The following RTL4 variants were observed in gnomAD, a reference collection of about 807,000 sequenced individuals.
RTL4 encodes retrotransposon Gag-like protein 4.
A neutral mutation model predicts 5.3 loss-of-function variants in RTL4; 4 were observed. The ratio of observed to expected loss-of-function variants is 0.75; its 90% CI spans 0.37 to 1.72. The LOEUF (loss-of-function observed/expected upper bound fraction) is 1.72, where lower values mean the gene tolerates loss of function less well. Among genes scored for constraint, RTL4 ranks in the 40% most tolerant of loss-of-function variants. The probability of loss-of-function intolerance (pLI) is 0.04; values close to 1 mark genes in which losing one functional copy is unlikely to be tolerated. For missense variants in RTL4, 260 were observed against 227.1 expected, an observed-to-expected ratio of 1.14 and a Z score of -0.93; for synonymous variants, 98 against 87.3, an observed-to-expected ratio of 1.12 and a Z score of -0.68.
the RTL4 span, among the ~76,000 whole-genome samples, chrX:112,112,319 T>C: frequency 6.3e-5 from 7 of 111,891 alleles, no homozygotes; most frequent in Non-Finnish European, 1.3e-4. Flanking sequence ...AGGCTGTTTC[T>C]GCCTCTGGTT....
chrX:112,231,605 A>G, the RTL4 span, among the ~76,000 whole-genome samples: 1 of 104,719 alleles, frequency 9.5e-6, no homozygotes, highest in Non-Finnish European at 2.0e-5. Context: ...TAGCATTAGG[A>G]GATATACCTA....
At chrX:112,416,793 C>G in the RTL4 span, among the ~76,000 whole-genome samples, 1 of 112,109 alleles carries the variant, frequency 8.9e-6, no homozygotes, top group Non-Finnish European at 1.9e-5. Flanking sequence ...TTTGTTTCCT[C>G]TATAACTCCA....
At chrX:112,152,540 C>T in the RTL4 span, among the ~76,000 whole-genome samples, 16 of 111,288 alleles carry the variant, frequency 1.4e-4, no homozygotes, top group East Asian at 2.9e-3. Context: ...AATGACTTAC[C>T]GCCCTGATAG....
the RTL4 span, among the ~76,000 whole-genome samples, chrX:112,401,068 A>G: frequency 8.9e-6 from 1 of 112,079 alleles, no homozygotes; most frequent in Non-Finnish European, 1.9e-5. Context: ...TCATTGTCTG[A>G]CGTCAAATAT....
chrX:112,217,843 T>G, the RTL4 span, among the ~76,000 whole-genome samples: 1 of 111,752 alleles, frequency 8.9e-6, no homozygotes, highest in East Asian at 2.8e-4. Context: ...TCATTAAGAC[T>G]TAATTCTCTT....
the RTL4 span, among the ~76,000 whole-genome samples, chrX:112,327,690 A>C: frequency 9.1e-6 from 1 of 110,372 alleles, no homozygotes; most frequent in African/African-American, 3.3e-5. Context: ...GAGGAACTCC[A>C]AGACACATAA....
At chrX:112,306,694 C>A in the RTL4 span, among the ~76,000 whole-genome samples, 1 of 111,895 alleles carries the variant, frequency 8.9e-6, no homozygotes, top group East Asian at 2.8e-4. Context: ...GAGCACTGAG[C>A]TTGTCAAGTG....
At chrX:112,394,458 A>G in the RTL4 span, among the ~76,000 whole-genome samples, 1 of 111,147 alleles carries the variant, frequency 9.0e-6, no homozygotes, top group South Asian at 3.8e-4. Flanking sequence ...GAATTTTTAT[A>G]CTGGTATGAT....
chrX:112,226,971 T>TAAAATAAAATAAAATAAAATA, the RTL4 span, among the ~76,000 whole-genome samples: 4 of 74,918 alleles, frequency 5.3e-5, no homozygotes, highest in African/African-American at 1.9e-4. Flanking sequence ...TAAAATAAAA[T>TAAAATAAAATAAAATAAAATA]AATAAAATAA....
chrX:112,400,021 G>C, the RTL4 span, among the ~76,000 whole-genome samples: 1 of 110,313 alleles, frequency 9.1e-6, no homozygotes, highest in African/African-American at 3.3e-5. Context: ...CTTTTTCCCT[G>C]CTTGTGAGAT....
chrX:112,264,857 C>T, the RTL4 span, among the ~76,000 whole-genome samples: 3 of 112,525 alleles, frequency 2.7e-5, no homozygotes, highest in South Asian at 3.7e-4. Flanking sequence ...TAAGAGTTTT[C>T]TTCCTATTGA....
At chrX:112,286,077 G>A in the RTL4 span, among the ~76,000 whole-genome samples, 3 of 111,780 alleles carry the variant, frequency 2.7e-5, no homozygotes, top group African/African-American at 9.7e-5. Flanking sequence ...CAAGGAGATA[G>A]AGAGTGATGG....
chrX:112,125,019 G>C, the RTL4 span, among the ~76,000 whole-genome samples: 2 of 109,232 alleles, frequency 1.8e-5, no homozygotes, highest in African/African-American at 6.7e-5. Context: ...TCCTGCCTCA[G>C]CCTCCCAAGT....
the RTL4 span, among the ~76,000 whole-genome samples, chrX:112,363,519 C>T: frequency 9.1e-6 from 1 of 110,321 alleles, no homozygotes; most frequent in Non-Finnish European, 1.9e-5. Flanking sequence ...CGTACTCATA[C>T]TTATGAGTAT....
chrX:112,326,279 C>G, the RTL4 span, among the ~76,000 whole-genome samples: 4 of 111,555 alleles, frequency 3.6e-5, no homozygotes, highest in South Asian at 1.5e-3. Flanking sequence ...ACAGTGGGCG[C>G]AGGTCAGTGG....
chrX:112,322,069 T>C, the RTL4 span, among the ~76,000 whole-genome samples: 2 of 112,118 alleles, frequency 1.8e-5, no homozygotes, highest in East Asian at 5.6e-4. Context: ...ATTTTTATGA[T>C]CATAATTGGG....
At chrX:112,416,104 C>T in the RTL4 span, among the ~76,000 whole-genome samples, 1 of 111,346 alleles carries the variant, frequency 9.0e-6, no homozygotes, top group East Asian at 2.8e-4. Context: ...TATCTCCCTC[C>T]CTCATTGCAT....
the RTL4 span, among the ~76,000 whole-genome samples, chrX:112,325,377 A>G: frequency 8.9e-6 from 1 of 112,106 alleles, no homozygotes; most frequent in African/African-American, 3.2e-5. Context: ...AGCTGGAGGC[A>G]TCACACTACC....
chrX:112,224,385 A>G, the RTL4 span, among the ~76,000 whole-genome samples: 5 of 108,360 alleles, frequency 4.6e-5, no homozygotes, highest in South Asian at 4.0e-4. Flanking sequence ...TCTGTCACCC[A>G]GGCTGGAGTG....
Sources: allele counts gnomAD v4.1 joint callset (sites outside exome capture counted in the v4.1 genomes callset), GRCh38; gene constraint gnomAD v4.1.1; transcripts MANE v1.5; gene names NCBI Gene and HGNC (gene_info 2026-07-23, HGNC 2026-07-21).